The following ZNF280C variants were observed in gnomAD, a reference collection of about 807,000 sequenced individuals.
The protein encoded by ZNF280C is zinc finger protein 280C.
In ZNF280C, 14 loss-of-function variants were observed where a neutral mutation model predicts 53.6. The ratio of observed to expected loss-of-function variants is 0.26; its 90% CI spans 0.17 to 0.41. ZNF280C has a LOEUF of 0.41. Ranked by LOEUF, ZNF280C falls within the 10% of genes least tolerant of loss-of-function variation. The pLI, the probability that ZNF280C is intolerant of heterozygous loss-of-function variation, is 1.00. For missense variants in ZNF280C, 416 were observed against 547.1 expected, an observed-to-expected ratio of 0.76 and a Z score of 2.39; for synonymous variants, 203 against 181.1, an observed-to-expected ratio of 1.12 and a Z score of -0.97.
intron 6 of ZNF280C, among the ~76,000 whole-genome samples, chrX:130,239,103 G>A (rs2032362607): frequency 9.0e-6 from 1 of 111,463 alleles, no homozygotes; most frequent in Non-Finnish European, 1.9e-5. Flanking sequence ...TGTTTCTTTA[G>A]TTCGTTCATT....
At chrX:130,212,134 C>T in intron 15 of ZNF280C, among the ~76,000 whole-genome samples, 1 of 111,358 alleles carries the variant, frequency 9.0e-6, no homozygotes, top group Non-Finnish European at 1.9e-5. Context: ...ACTCCATGGG[C>T]TTCAGAAACT....
intron 1 of ZNF280C, among the ~76,000 whole-genome samples, chrX:130,265,474 T>A (rs1670112749): frequency 8.9e-6 from 1 of 112,638 alleles, no homozygotes; most frequent in Non-Finnish European, 1.9e-5. Flanking sequence ...AAATATTTTA[T>A]GTAAGTTTCA....
At position 130,239,750 on chromosome X, in the gene ZNF280C, G is replaced by C. The variant is rs371793752; in HGVS notation, c.382-57C>G. On this transcript the variant is annotated intron_variant, in intron 5 of 18. Transcript: ENST00000370978. ...AACTTTTATAGAGATAAATTTAGCT[G>C]TATGTCAATACTATAAAGAATCTTA... 5 of 643,728 alleles carry C rather than the reference G, an allele frequency of 7.8e-6. No individual in the cohort carries two copies. The East Asian group carries it at 1.4e-4, about 18-fold the overall frequency. 53.1% of individuals were successfully genotyped at this position (643,728 alleles called of 1,213,427 possible).
chrX:130,205,755 T>C (rs1257002204), intron 16 of ZNF280C, among the ~76,000 whole-genome samples: 1 of 109,135 alleles, frequency 9.2e-6, no homozygotes, highest in East Asian at 2.8e-4. Context: ...GGCGTGAGTC[T>C]GTAGCCCCAG....
Position 130,246,457 on chromosome X carries a change from A to T in ZNF280C, c.178+402T>A, listed in dbSNP as rs181480346. 3.7e-3 allele frequency among the ~76,000 whole-genome samples: 419 copies of T among 112,450 alleles called. 3 individuals carry two copies. Among genetic ancestry groups the T allele is most frequent in the African/African-American group, 0.013 (396 of 31,032 alleles). ...AGACACTAACACAAACTTATTTAGC[A>T]TATCAGGATATTTTAAGAAAAGTAT... On this transcript the variant is annotated intron_variant, in intron 3 of 18. Transcript: ENST00000370978.
At position 130,216,598 on chromosome X, in the gene ZNF280C, G is replaced by T. The variant is rs150301162; in HGVS notation, c.1528-497C>A. On this transcript the variant is annotated intron_variant, in intron 13 of 18. Coordinates refer to ENST00000370978, the MANE Select transcript of ZNF280C (RefSeq NM_017666.5). ...AAATGAGATGTCCCTTCACCAACCAGAATGGCTATAATAAACAGACAATAA... is the reference window on the plus strand; with the variant it reads ...AAATGAGATGTCCCTTCACCAACCATAATGGCTATAATAAACAGACAATAA... Among the ~76,000 whole-genome samples, 17 of 112,265 alleles carry T rather than the reference G, an allele frequency of 1.5e-4. No homozygotes were observed. The East Asian group carries it at 2.8e-3, about 18-fold the overall frequency.
At chrX:130,221,827 T>C (rs901761118) in intron 12 of ZNF280C, among the ~76,000 whole-genome samples, 1 of 111,818 alleles carries the variant, frequency 8.9e-6, no homozygotes, top group Non-Finnish European at 1.9e-5. Context: ...GTTCTTCCCA[T>C]AGCTGTCAGA....
intron 6 of ZNF280C, among the ~76,000 whole-genome samples, chrX:130,238,566 T>G (rs976450364): frequency 1.8e-5 from 2 of 110,874 alleles, no homozygotes; most frequent in African/African-American, 6.5e-5. Flanking sequence ...AGAGAGAGAG[T>G]AGGAGTCACT....
chrX:130,215,181 T>C lies in ZNF280C; in HGVS notation c.1979+12A>G. 1 of 1,205,621 alleles carries C rather than the reference T, an allele frequency of 8.3e-7. No individual in the cohort carries two copies. Among genetic ancestry groups the C allele is most frequent in the Non-Finnish European group, 1.1e-6 (1 of 892,584 alleles). On this transcript the variant is annotated intron_variant, in intron 15 of 18. Coordinates refer to ENST00000370978, the MANE Select transcript of ZNF280C (RefSeq NM_017666.5). ...TGGAAATTCTGATTGGCAGTTTACA[T>C]GTTTAACTTACCTCATCATATGATT... is the stretch of plus-strand genomic sequence containing the variant.
chrX:130,230,821 T>C (rs1372013697), intron 8 of ZNF280C, 94 bp from the exon 9 acceptor site: 1 of 540,429 alleles, frequency 1.9e-6, no homozygotes, highest in East Asian at 3.6e-5. Context: ...TCAGATGATA[T>C]AAAACTACGC....
At chrX:130,234,237 A>G (rs190388461) in intron 8 of ZNF280C, among the ~76,000 whole-genome samples, 9 of 112,431 alleles carry the variant, frequency 8.0e-5, no homozygotes, top group African/African-American at 1.9e-4. Flanking sequence ...GGTGGAAACA[A>G]TAAGAAAGCA....
At chrX:130,239,930 T>A (rs981112799) in intron 5 of ZNF280C, among the ~76,000 whole-genome samples, 6 of 111,471 alleles carry the variant, frequency 5.4e-5, no homozygotes, top group Non-Finnish European at 1.1e-4. Context: ...TGTTAAAATT[T>A]AAAAATAATA....
intron 2 of ZNF280C, among the ~76,000 whole-genome samples, chrX:130,248,083 A>C (rs183054616): frequency 1.8e-4 from 18 of 100,262 alleles, no homozygotes; most frequent in Middle Eastern, 9.6e-3. Flanking sequence ...AAACAGATTA[A>C]AGGATTTTAA....
chrX:130,230,128 G>C (rs902829446), intron 9 of ZNF280C, among the ~76,000 whole-genome samples: 32 of 111,755 alleles, frequency 2.9e-4, no homozygotes, highest in Non-Finnish European at 5.8e-4. Flanking sequence ...AATAAGGTTA[G>C]TATGGAGGAG....
At chrX:130,229,273 A>G (rs942152916) in intron 9 of ZNF280C, 139 bp from the exon 10 acceptor site, 12 of 506,924 alleles carry the variant, frequency 2.4e-5, no homozygotes, top group Non-Finnish European at 3.3e-5. Context: ...AAAGCACTCT[A>G]TAAAGTGTGT....
chrX:130,213,074 C>T (rs2032056793), intron 15 of ZNF280C, among the ~76,000 whole-genome samples: 1 of 112,024 alleles, frequency 8.9e-6, no homozygotes, highest in Admixed American at 9.5e-5. Context: ...GTATTTTTGG[C>T]CGGGCGTGGT....
chrX:130,238,899 G>A (rs1034219555), intron 6 of ZNF280C, among the ~76,000 whole-genome samples: 1 of 111,073 alleles, frequency 9.0e-6, no homozygotes, highest in Non-Finnish European at 1.9e-5. Flanking sequence ...ATCAAACTAG[G>A]TAATATAGAG....
chrX:130,206,301 T>C (rs1178469409), intron 16 of ZNF280C, among the ~76,000 whole-genome samples: 2 of 110,804 alleles, frequency 1.8e-5, no homozygotes, highest in African/African-American at 6.6e-5. Context: ...ATCAGATACT[T>C]TAAACTTAAA....
At position 130,236,574 on chromosome X, in the gene ZNF280C, T is replaced by C. The variant is rs761819475; in HGVS notation, c.559A>G (p.Lys187Glu). 3 of 1,205,237 alleles carry C rather than the reference T, an allele frequency of 2.5e-6. No individual in the cohort carries two copies. The highest frequency in any genetic ancestry group is 3.4e-6 in the Non-Finnish European group (3 of 890,513). The change falls in exon 7 of 19, where the codon AAA becomes GAA. Residue 187 changes from lysine to glutamate, a missense_variant. Physicochemically the swap from Lys to Glu is moderately conservative, Grantham distance 56 (BLOSUM62 1). Transcript: ENST00000370978. The part of the protein sequence containing the change: ...STSKVNSVTP[K>E]KPKTSEDVPQ... ...ACATCTTCACTGGTCTTTGGTTTTTTTGGAGTAACACTGTTTACTTTAGAA... is the reference window on the plus strand; with the variant it reads ...ACATCTTCACTGGTCTTTGGTTTTTCTGGAGTAACACTGTTTACTTTAGAA...
Sources: gnomAD v4.1 joint callset for allele counts (sites outside exome capture counted in the v4.1 genomes callset) on GRCh38, gnomAD v4.1.1 for gene constraint, MANE v1.5 for transcripts, NCBI Gene and HGNC (gene_info 2026-07-23, HGNC 2026-07-21) for gene names.